The following PCNT variants were observed in gnomAD, a reference collection of about 807,000 sequenced individuals.
The protein encoded by PCNT is pericentrin, also known as kendrin.
A neutral mutation model predicts 380.4 loss-of-function variants in PCNT; 319 were observed. The ratio of observed to expected loss-of-function variants is 0.84; its 90% CI spans 0.77 to 0.92. The LOEUF (loss-of-function observed/expected upper bound fraction) is 0.92, where lower values mean the gene tolerates loss of function less well. Among genes scored for constraint, PCNT ranks in the 40% least tolerant of loss-of-function variants. The pLI is 0.00. For missense variants in PCNT, 4,400 were observed against 4,255.3 expected, an observed-to-expected ratio of 1.03 and a Z score of -0.95; for synonymous variants, 1,845 against 1,735.2, an observed-to-expected ratio of 1.06 and a Z score of -1.57.
intron 13 of PCNT, among the ~76,000 whole-genome samples, chr21:46,360,997 G>A (rs1212426934): frequency 1.3e-5 from 2 of 152,096 alleles, no homozygotes; most frequent in Non-Finnish European, 2.9e-5. Context: ...TGTGTTTTTG[G>A]ATTATTTGAA....
Position 46,347,265 on chromosome 21 carries a change from G to A in PCNT, c.977-192G>A, listed in dbSNP as rs76934171. 0.047 allele frequency among the ~76,000 whole-genome samples: 7,085 copies of A among 152,188 alleles called. 215 individuals are homozygous for A. The highest frequency in any genetic ancestry group is 0.062 in the Non-Finnish European group (4,249 of 67,992). ...TGACCTTCACCTCCTCTCTTAGATCGTCCTGTGTGTCTGGAAGTCACGGTG... is the reference window on the plus strand; with the variant it reads ...TGACCTTCACCTCCTCTCTTAGATCATCCTGTGTGTCTGGAAGTCACGGTG... On this transcript the variant is annotated intron_variant, in intron 5 of 46. Transcript: ENST00000359568.
intron 1 of PCNT, 117 bp downstream of exon 1, chr21:46,324,399 G>A: frequency 2.2e-6 from 2 of 912,948 alleles, no homozygotes; most frequent in East Asian, 5.3e-5. Flanking sequence ...CCGCCGCGGA[G>A]GTCTCGCTTT....
In PCNT at chr21:46,399,576, T is replaced by G; in HGVS notation, c.4585-14T>G. 1 of 1,588,914 alleles carries G rather than the reference T, an allele frequency of 6.3e-7. No homozygotes were observed. Among genetic ancestry groups the G allele is most frequent in the South Asian group, 1.1e-5 (1 of 90,396 alleles). On this transcript the variant is annotated splice_polypyrimidine_tract_variant and intron_variant, in intron 24 of 46. Transcript: ENST00000359568. ...CATTCTATTGTATTCCTCAAGCATT[T>G]TTTGTTGTTTTAGGTTGAGTTGTTA...
chr21:46,382,597 C>CACGGT (rs1305912037), intron 16 of PCNT, among the ~76,000 whole-genome samples: 3 of 142,132 alleles, frequency 2.1e-5, no homozygotes, highest in Admixed American at 7.0e-5. Flanking sequence ...GAAGCGCATT[C>CACGGT]ACGGTGTTGT....
At chr21:46,393,450 G>A (rs1032482035) in intron 21 of PCNT, among the ~76,000 whole-genome samples, 10 of 152,010 alleles carry the variant, frequency 6.6e-5, no homozygotes, top group Non-Finnish European at 1.0e-4. Flanking sequence ...TCTGCTGTCC[G>A]GGGGCAGCCT....
chr21:46,330,086 G>GTCCAA (rs2083509678), intron 2 of PCNT, among the ~76,000 whole-genome samples: 1 of 152,112 alleles, frequency 6.6e-6, no homozygotes, highest in Non-Finnish European at 1.5e-5. Context: ...CAGTCATCAG[G>GTCCAA]TATTAACCCC....
chr21:46,391,164 G>A lies in PCNT; in HGVS notation c.4004G>A (p.Gly1335Asp). 2 of 1,589,784 alleles carry A rather than the reference G, an allele frequency of 1.3e-6. No individual in the cohort carries two copies. Among genetic ancestry groups the A allele is most frequent in the Non-Finnish European group, 8.6e-7 (1 of 1,167,902 alleles). ...ELALELHKTQ[G>D]TLEGFKVETA... ...CAGAGCATCTGTGTCTCCCACAAAGGTACCCTTGAGGGATTCAAGGTGGAG... is the reference window on the plus strand; with the variant it reads ...CAGAGCATCTGTGTCTCCCACAAAGATACCCTTGAGGGATTCAAGGTGGAG... The change falls in exon 21 of 47, where the codon GGT (glycine) becomes GAT (aspartate). Residue 1335 changes from glycine (G) to aspartate (D), a missense_variant and splice_region_variant. Physicochemically the swap from Gly to Asp is moderately conservative, Grantham distance 94 (BLOSUM62 -1). Transcript: ENST00000359568.
chr21:46,422,608 A>G (rs1288900447), intron 32 of PCNT, among the ~76,000 whole-genome samples: 4 of 152,266 alleles, frequency 2.6e-5, no homozygotes, highest in Non-Finnish European at 4.4e-5. Context: ...CCAGTTTAGC[A>G]GATCATTTTA....
rs777189669 is a variant in PCNT at position 46,389,306 on chromosome 21, C to T, written c.3715C>T (p.Arg1239Cys). 1.7e-5 allele frequency: 28 copies of T among 1,613,632 alleles called. No individual in the cohort carries two copies. In the East Asian group the frequency reaches 2.9e-4, roughly 17 times the overall value. ...SSVAEISSHM[R>C]ESFLMSPESV... ...CGTGGCTGAAATTAGCAGCCACATGCGTGAAAGCTTTCTCATGAGCCCAGA... is the reference window on the plus strand; with the variant it reads ...CGTGGCTGAAATTAGCAGCCACATGTGTGAAAGCTTTCTCATGAGCCCAGA... The change falls in exon 19 of 47, where the codon CGT becomes TGT. Residue 1239 changes from arginine to cysteine, a missense_variant. Coordinates refer to ENST00000359568, the MANE Select transcript of PCNT (RefSeq NM_006031.6).
intron 2 of PCNT, among the ~76,000 whole-genome samples, chr21:46,327,286 C>T (rs968030213): frequency 1.3e-5 from 2 of 152,144 alleles, no homozygotes; most frequent in South Asian, 2.1e-4. Context: ...GTCTCAATCT[C>T]CTGACCTCGT....
intron 41 of PCNT, among the ~76,000 whole-genome samples, chr21:46,438,994 G>C (rs1037901728): frequency 6.6e-6 from 1 of 151,858 alleles, no homozygotes; most frequent in African/African-American, 2.4e-5. Context: ...TTTTCATAAT[G>C]GTATAGTTGG....
intron 33 of PCNT, 89 bp from the exon 34 acceptor site, chr21:46,427,533 A>G (rs2087559244): frequency 1.3e-6 from 2 of 1,485,660 alleles, no homozygotes; most frequent in South Asian, 1.1e-5. Flanking sequence ...CGCAGGCCCC[A>G]TCTCCAAACG....
At chr21:46,403,931 C>T (rs1365857463) in intron 27 of PCNT, among the ~76,000 whole-genome samples, 1 of 133,172 alleles carries the variant, frequency 7.5e-6, no homozygotes, top group Admixed American at 7.6e-5. Flanking sequence ...CCACGCGGCG[C>T]GTGCTCGGTG....
intron 36 of PCNT, 130 bp from the exon 37 acceptor site, chr21:46,430,377 A>G (rs1291653022): frequency 1.4e-6 from 2 of 1,415,106 alleles, no homozygotes; most frequent in African/African-American, 2.9e-5. Context: ...CTGGGTTGAT[A>G]ATCCTGTGGT....
intron 45 of PCNT, 33 bp from the exon 46 acceptor site, chr21:46,444,661 T>C (rs2053704470): frequency 1.9e-6 from 3 of 1,601,470 alleles, no homozygotes; most frequent in East Asian, 2.2e-5. Flanking sequence ...TTTTTTTTTT[T>C]TTTCTTCTCT....
intron 22 of PCNT, among the ~76,000 whole-genome samples, chr21:46,397,745 T>C (rs1053821877): frequency 1.4e-5 from 2 of 145,584 alleles, no homozygotes; most frequent in African/African-American, 5.0e-5. Flanking sequence ...GAGGCGTCAC[T>C]TGGGGCCCGG....
chr21:46,389,147 G>T, intron 18 of PCNT, 52 bp from the exon 19 acceptor site: 2 of 1,561,262 alleles, frequency 1.3e-6, no homozygotes, highest in Non-Finnish European at 1.8e-6. Context: ...TGCCATGGCC[G>T]CGGCCGGCTT....
In PCNT at chr21:46,438,115, C is replaced by T. The variant is rs200172726; in HGVS notation, c.9100-49C>T. The T allele has an allele frequency of 2.0e-4, 284 of 1,432,152 alleles. No individual in the cohort carries two copies. The East Asian group carries it at 5.7e-3, about 29-fold the overall frequency. The allele number at this position is 1,432,152 out of a possible 1,614,324, so 88.7% of individuals were successfully genotyped here. On this transcript the variant is annotated intron_variant, in intron 40 of 46. Transcript: ENST00000359568. ...GTTGACAAAAAACACAAGTAATGTT[C>T]ATGCCCTTTAACAACAAATTCTTAC...
At position 46,402,342 on chromosome 21, in the gene PCNT, A is replaced by C; in HGVS notation, c.4974A>C (p.Leu1658Phe). ...TGTTTTAATGAAAGGTTTTGGACTT[A>C]AAAGAACAGCTAGAAAAGATGAAAG... Reference protein sequence around the residue: ...LLRRESEVLDLKEQLEKMKGD... With the variant: ...LLRRESEVLDFKEQLEKMKGD... Residue 1658 changes from leucine (L) to phenylalanine (F), a missense_variant, in exon 27 of 47, where the codon TTA becomes TTC. By Grantham distance (22) the Leu-to-Phe change is conservative. Coordinates refer to ENST00000359568, the MANE Select transcript of PCNT (RefSeq NM_006031.6). The C allele has an allele frequency of 6.2e-7, 1 of 1,604,524 alleles. No homozygotes were observed. Among genetic ancestry groups the C allele is most frequent in the Non-Finnish European group, 8.5e-7 (1 of 1,171,384 alleles).
Sources: gnomAD v4.1 joint callset for allele counts (sites outside exome capture counted in the v4.1 genomes callset) on GRCh38, gnomAD v4.1.1 for gene constraint, MANE v1.5 for transcripts, NCBI Gene and HGNC (gene_info 2026-07-23, HGNC 2026-07-21) for gene names.